STPG2: variants seen among roughly 807,000 people sequenced by gnomAD.
The protein encoded by STPG2 is sperm tail PG-rich repeat containing 2.
In STPG2, 56 loss-of-function variants were observed where a neutral mutation model predicts 54.2. That is an observed-to-expected ratio of 1.03 (90% CI 0.83 to 1.29). The LOEUF (loss-of-function observed/expected upper bound fraction) is 1.29. STPG2 is among the 50% of genes most tolerant of loss of function. The probability of loss-of-function intolerance (pLI) is 0.00; values close to 1 mark genes in which losing one functional copy is unlikely to be tolerated. For synonymous variants in STPG2, 200 were observed against 181.8 expected (o/e 1.10, Z -0.81); for missense variants, 596 against 544.9 (o/e 1.09, Z -0.93).
chr4:97,915,912 G>A (rs1268659205), intron 8 of STPG2, among the ~76,000 whole-genome samples: 2 of 152,126 alleles, frequency 1.3e-5, no homozygotes, highest in Non-Finnish European at 2.9e-5. Context: ...GAGGGGGTGA[G>A]AGTAATTTAA....
intron 5 of STPG2, among the ~76,000 whole-genome samples, chr4:98,018,144 A>G (rs977842957): frequency 6.6e-6 from 1 of 151,828 alleles, no homozygotes; most frequent in African/African-American, 2.4e-5. Flanking sequence ...CATTAGGTAT[A>G]TTTCCTAATG....
intron 10 of STPG2, among the ~76,000 whole-genome samples, chr4:97,581,180 A>T (rs1285126614): frequency 6.6e-6 from 1 of 152,024 alleles, no homozygotes; most frequent in Non-Finnish European, 1.5e-5. Context: ...CACTAAACAC[A>T]CTTTAGTTGC....
chr4:97,906,113 C>T (rs1031012563), intron 8 of STPG2, among the ~76,000 whole-genome samples: 28 of 151,584 alleles, frequency 1.8e-4, no homozygotes, highest in African/African-American at 5.6e-4. Context: ...ACTGATAGAC[C>T]GCTAGCAAGA....
intron 5 of STPG2, among the ~76,000 whole-genome samples, chr4:98,077,263 A>T (rs911494359): frequency 6.5e-5 from 7 of 107,592 alleles, no homozygotes; most frequent in African/African-American, 2.5e-4. Context: ...TTGTTGTTGG[A>T]GACAGAGTCC....
chr4:98,134,316 A>G (rs1740076666), intron 2 of STPG2, 31 bp downstream of exon 2: 1 of 1,336,212 alleles, frequency 7.5e-7, no homozygotes, highest in Non-Finnish European at 1.0e-6. Context: ...ACATGGTTTT[A>G]TTAAGTCAAT....
intron 9 of STPG2, among the ~76,000 whole-genome samples, chr4:97,828,168 T>A (rs1728324229): frequency 6.6e-6 from 1 of 152,154 alleles, no homozygotes; most frequent in Non-Finnish European, 1.5e-5. Flanking sequence ...GGGTGATTTC[T>A]GCATTTCCAA....
At chr4:97,454,827 C>G (rs2148801854) in intron 4 of STPG2, among the ~76,000 whole-genome samples, 1 of 152,132 alleles carries the variant, frequency 6.6e-6, no homozygotes, top group South Asian at 2.1e-4. Flanking sequence ...CCAGTAAAGT[C>G]TTTCAAACTG....
chr4:97,813,995 G>T (rs972227473), intron 9 of STPG2, among the ~76,000 whole-genome samples: 1 of 151,862 alleles, frequency 6.6e-6, no homozygotes, highest in African/African-American at 2.4e-5. Flanking sequence ...GCTTTCAGTA[G>T]AATGTACTCT....
At chr4:98,049,998 G>C (rs1215552898) in intron 5 of STPG2, among the ~76,000 whole-genome samples, 1 of 152,086 alleles carries the variant, frequency 6.6e-6, no homozygotes, top group East Asian at 1.9e-4. Context: ...GGAAATTCAA[G>C]AGAATAATAA....
intron 3 of STPG2, among the ~76,000 whole-genome samples, chr4:98,121,651 T>A (rs1225445326): frequency 6.6e-6 from 1 of 152,144 alleles, no homozygotes; most frequent in African/African-American, 2.4e-5. Context: ...TTGGTAGCAA[T>A]TGTGAAAGGG....
intron 9 of STPG2, among the ~76,000 whole-genome samples, chr4:97,750,215 T>A (rs1229420250): frequency 6.6e-6 from 1 of 151,902 alleles, no homozygotes; most frequent in Non-Finnish European, 1.5e-5. Context: ...ATCTTTGCTT[T>A]ATATATAGGC....
At chr4:98,031,738 C>A (rs1361051844) in intron 5 of STPG2, among the ~76,000 whole-genome samples, 1 of 151,958 alleles carries the variant, frequency 6.6e-6, no homozygotes. Context: ...AACTAAAGAG[C>A]TTTTGTGTGG....
intron 10 of STPG2, among the ~76,000 whole-genome samples, chr4:97,620,066 T>C (rs1733973167): frequency 6.6e-6 from 1 of 152,054 alleles, no homozygotes; most frequent in African/African-American, 2.4e-5. Flanking sequence ...CCTTGTGATC[T>C]GCCTGCCTCG....
At chr4:97,944,798 C>T (rs946713350) in intron 7 of STPG2, among the ~76,000 whole-genome samples, 2 of 152,044 alleles carry the variant, frequency 1.3e-5, no homozygotes, top group African/African-American at 4.8e-5. Context: ...ACATCCATTA[C>T]CCACCTAATG....
At chr4:97,442,922 T>C (rs1729126671) in intron 4 of STPG2, among the ~76,000 whole-genome samples, 1 of 152,172 alleles carries the variant, frequency 6.6e-6, no homozygotes, top group Admixed American at 6.5e-5. Context: ...AGATATTCTT[T>C]CTTAATTGTA....
chr4:97,939,126 T>C (rs948289400), intron 8 of STPG2, among the ~76,000 whole-genome samples: 4 of 152,146 alleles, frequency 2.6e-5, no homozygotes, highest in Non-Finnish European at 4.4e-5. Flanking sequence ...TTTTGAGTGA[T>C]TTTTTTATAG....
intron 1 of STPG2, among the ~76,000 whole-genome samples, chr4:98,136,850 C>G (rs1740148297): frequency 6.6e-6 from 1 of 151,116 alleles, no homozygotes; most frequent in Non-Finnish European, 1.5e-5. Flanking sequence ...AAAAATAAAA[C>G]AAGAGAGGTA....
chr4:97,526,477 T>C (rs576243392), intron 4 of STPG2, among the ~76,000 whole-genome samples: 1 of 152,060 alleles, frequency 6.6e-6, no homozygotes, highest in South Asian at 2.1e-4. Context: ...TGTTTGTTTG[T>C]TTTTGAGAAG....
chr4:98,122,895 G>A (rs371693437), intron 3 of STPG2, among the ~76,000 whole-genome samples: 10 of 152,202 alleles, frequency 6.6e-5, no homozygotes, highest in African/African-American at 9.6e-5. Context: ...TCTATTCAGC[G>A]ATTCAACTTC....
Sources: gnomAD v4.1 joint callset for allele counts (sites outside exome capture counted in the v4.1 genomes callset) on GRCh38, gnomAD v4.1.1 for gene constraint, MANE v1.5 for transcripts, NCBI Gene and HGNC (gene_info 2026-07-23, HGNC 2026-07-21) for gene names.